NAV2: variants seen among roughly 807,000 people sequenced by gnomAD.
NAV2 encodes the protein helicase, APC down-regulated 1.
NAV2 carries 54 observed loss-of-function variants against 223.2 expected under a neutral mutation model. That is an observed-to-expected ratio of 0.24 (90% CI 0.19 to 0.30). The LOEUF (loss-of-function observed/expected upper bound fraction) is 0.30. NAV2 is among the 10% of genes least tolerant of loss of function. NAV2 has a pLI of 1.00. For synonymous variants in NAV2, 1,279 were observed against 1,239.3 expected, an observed-to-expected ratio of 1.03 and a Z score of -0.67; for missense variants, 2,806 against 3,147.5, an observed-to-expected ratio of 0.89 and a Z score of 2.60.
At chr11:19,645,199 C>T (rs899570980) in intron 1 of NAV2, among the ~76,000 whole-genome samples, 1 of 152,084 alleles carries the variant, frequency 6.6e-6, no homozygotes, top group South Asian at 2.1e-4. Context: ...GAGGCTGGTC[C>T]TATTCCTCAG....
chr11:19,526,275 T>A (rs1450419143), intron 1 of NAV2, among the ~76,000 whole-genome samples: 1 of 152,162 alleles, frequency 6.6e-6, no homozygotes, highest in African/African-American at 2.4e-5. Flanking sequence ...TCCCCTGCAG[T>A]GAAAACTCAA....
intron 1 of NAV2, among the ~76,000 whole-genome samples, chr11:19,482,484 C>T (rs533465228): frequency 1.3e-5 from 2 of 152,228 alleles, no homozygotes; most frequent in African/African-American, 4.8e-5. Flanking sequence ...CGAGTCAAGC[C>T]GGGGCTGACT....
chr11:19,848,108 CCTT>C (rs2060906666), intron 3 of NAV2, among the ~76,000 whole-genome samples: 1 of 152,198 alleles, frequency 6.6e-6, no homozygotes, highest in Non-Finnish European at 1.5e-5. Context: ...AGAGCACAGC[CCTT>C]CTTCTCACCC....
At chr11:19,719,986 G>A (rs1004832110) in intron 1 of NAV2, among the ~76,000 whole-genome samples, 9 of 152,226 alleles carry the variant, frequency 5.9e-5, no homozygotes, top group Admixed American at 2.0e-4. Flanking sequence ...ACAGGACCAA[G>A]AATGGAACAT....
chr11:19,877,917 T>C (rs2153081556), intron 4 of NAV2, among the ~76,000 whole-genome samples: 1 of 152,288 alleles, frequency 6.6e-6, no homozygotes, highest in South Asian at 2.1e-4. Context: ...CACTCTGTGA[T>C]TCTCATGTAC....
chr11:19,876,561 G>A (rs890159896), intron 4 of NAV2, among the ~76,000 whole-genome samples: 5 of 152,126 alleles, frequency 3.3e-5, no homozygotes, highest in African/African-American at 1.2e-4. Flanking sequence ...ATATTTATTG[G>A]AGGAGCACTG....
intron 11 of NAV2, among the ~76,000 whole-genome samples, chr11:20,031,162 G>A (rs904801894): frequency 1.3e-5 from 2 of 152,192 alleles, no homozygotes; most frequent in East Asian, 1.9e-4. Context: ...TGCGTACACT[G>A]TAGTTCTTTC....
chr11:19,955,635 T>C (rs1591409953), intron 10 of NAV2, among the ~76,000 whole-genome samples: 1 of 152,200 alleles, frequency 6.6e-6, no homozygotes, highest in African/African-American at 2.4e-5. Flanking sequence ...AAGATAGACA[T>C]GCCCCTGTTC....
chr11:19,604,668 T>C (rs1385899735), intron 1 of NAV2, among the ~76,000 whole-genome samples: 1 of 152,130 alleles, frequency 6.6e-6, no homozygotes, highest in African/African-American at 2.4e-5. Context: ...ATCCCTCTAT[T>C]TTACAGGTGA....
At chr11:19,702,818 T>A (rs1361275896) in intron 1 of NAV2, among the ~76,000 whole-genome samples, 1 of 139,416 alleles carries the variant, frequency 7.2e-6, no homozygotes, top group African/African-American at 2.6e-5. Flanking sequence ...ATAATAATAA[T>A]AATAATAAGT....
intron 19 of NAV2, among the ~76,000 whole-genome samples, chr11:20,061,774 T>A (rs1005737638): frequency 7.9e-5 from 12 of 152,180 alleles, no homozygotes; most frequent in African/African-American, 2.7e-4. Flanking sequence ...TATATGGTCA[T>A]CTAGAATGAA....
rs1223262290 is a variant in NAV2 at position 19,874,197 on chromosome 11, T to C, written c.511+5200T>C. Reference sequence around the variant, plus strand: ...TGCCTGACATTACCCACAGCATCTATGCAGATTAGGACCAGCCAGTGGGAA... The same window carrying C: ...TGCCTGACATTACCCACAGCATCTACGCAGATTAGGACCAGCCAGTGGGAA... On this transcript the variant is annotated intron_variant, in intron 4 of 37. Coordinates refer to ENST00000349880, the MANE Select transcript of NAV2 (RefSeq NM_145117.5). Among the ~76,000 whole-genome samples the C allele has an allele frequency of 2.6e-5, 4 of 152,206 alleles. No individual in the cohort carries two copies. The East Asian group carries it at 7.7e-4, about 29-fold the overall frequency.
intron 11 of NAV2, among the ~76,000 whole-genome samples, chr11:20,024,828 G>T (rs1006572302): frequency 1.3e-5 from 2 of 152,192 alleles, no homozygotes; most frequent in South Asian, 4.1e-4. Context: ...GACTATGGGG[G>T]TATTGAACTC....
Position 19,519,014 on chromosome 11 carries a change from C to G in NAV2, c.75+167987C>G, listed in dbSNP as rs533849161. On this transcript the variant is annotated intron_variant, in intron 1 of 37. Transcript: ENST00000360655. ...CCCAGAAGAGGGCCCTCACCAGAAC[C>G]TGGCCATGCTGGCACCCTGATCTGA... Among the ~76,000 whole-genome samples, 4 of 152,300 alleles carry G rather than the reference C, an allele frequency of 2.6e-5. No individual in the cohort carries two copies. The South Asian group carries it at 8.3e-4, about 32-fold the overall frequency.
chr11:19,426,593 T>A (rs902625806), intron 1 of NAV2, among the ~76,000 whole-genome samples: 9 of 152,168 alleles, frequency 5.9e-5, no homozygotes, highest in African/African-American at 2.2e-4. Flanking sequence ...CATAGGAAAC[T>A]TGCCAAGAGA....
intron 5 of NAV2, among the ~76,000 whole-genome samples, chr11:19,891,781 C>A (rs1478764791): frequency 1.3e-5 from 2 of 152,090 alleles, no homozygotes; most frequent in Non-Finnish European, 2.9e-5. Context: ...TACTTACAAC[C>A]CCAGATTATG....
chr11:19,445,275 GT>G (rs980043304), intron 1 of NAV2, among the ~76,000 whole-genome samples: 18 of 151,604 alleles, frequency 1.2e-4, no homozygotes, highest in South Asian at 2.1e-4. Context: ...CTGGCAGGTG[GT>G]TTTTTTTTAG....
chr11:19,970,581 G>T (rs904211362), intron 10 of NAV2, among the ~76,000 whole-genome samples: 1 of 152,192 alleles, frequency 6.6e-6, no homozygotes, highest in Non-Finnish European at 1.5e-5. Flanking sequence ...TGAAGCAAAA[G>T]TATTGGTTCT....
At chr11:20,005,253 A>ATATATATTT (rs1277010848) in intron 11 of NAV2, among the ~76,000 whole-genome samples, 3 of 134,542 alleles carry the variant, frequency 2.2e-5, no homozygotes, top group Admixed American at 7.4e-5. Context: ...ATATATATAT[A>ATATATATTT]TTTTTTTTTT....
Sources: gnomAD v4.1 joint callset for allele counts (sites outside exome capture counted in the v4.1 genomes callset) on GRCh38, gnomAD v4.1.1 for gene constraint, MANE v1.5 for transcripts, NCBI Gene and HGNC (gene_info 2026-07-23, HGNC 2026-07-21) for gene names.